Variants in MACROD2 observed in about 807,000 individuals in gnomAD.
The protein encoded by MACROD2 is ADP-ribose glycohydrolase MACROD2.
MACROD2 carries 36 observed loss-of-function variants against 70.4 expected under a neutral mutation model. The observed-to-expected ratio is 0.51, with a 90% CI of 0.39 to 0.68. MACROD2 has a LOEUF of 0.68. Ranked by LOEUF, MACROD2 falls within the 30% of genes least tolerant of loss-of-function variation. The pLI is 0.00. For synonymous variants in MACROD2, 172 were observed against 178.8 expected, an observed-to-expected ratio of 0.96 and a Z score of 0.30; for missense variants, 496 against 538.4, an observed-to-expected ratio of 0.92 and a Z score of 0.78.
intron 3 of MACROD2, among the ~76,000 whole-genome samples, chr20:14,459,041 C>G (rs982848516): frequency 1.3e-5 from 2 of 151,918 alleles, no homozygotes; most frequent in Non-Finnish European, 2.9e-5. Flanking sequence ...TAATCCCTCC[C>G]CAATACTCAC....
At chr20:15,193,704 C>T (rs1220555378) in intron 5 of MACROD2, among the ~76,000 whole-genome samples, 2 of 151,782 alleles carry the variant, frequency 1.3e-5, no homozygotes, top group African/African-American at 4.8e-5. Flanking sequence ...CCGTCTTGCA[C>T]GCTGGCTCCC....
chr20:14,319,342 G>A (rs745400550), intron 3 of MACROD2, among the ~76,000 whole-genome samples: 1 of 152,010 alleles, frequency 6.6e-6, no homozygotes, highest in African/African-American at 2.4e-5. Context: ...CACCTCTTGG[G>A]CATCTCAACT....
chr20:14,725,076 A>G (rs2071512770), intron 5 of MACROD2, among the ~76,000 whole-genome samples: 2 of 152,062 alleles, frequency 1.3e-5, no homozygotes, highest in South Asian at 4.2e-4. Flanking sequence ...TGGATTGGAT[A>G]TGGGGAGTGA....
At chr20:15,113,299 G>A (rs1601091757) in intron 5 of MACROD2, among the ~76,000 whole-genome samples, 1 of 152,064 alleles carries the variant, frequency 6.6e-6, no homozygotes, top group East Asian at 1.9e-4. Flanking sequence ...TAGCACTGCT[G>A]GTGTAACAAT....
At chr20:14,550,068 G>C (rs1361466174) in intron 4 of MACROD2, among the ~76,000 whole-genome samples, 1 of 151,748 alleles carries the variant, frequency 6.6e-6, no homozygotes, top group Non-Finnish European at 1.5e-5. Context: ...GATTACAGGC[G>C]GGTGCCACCA....
chr20:15,417,197 A>G (rs1568791282), intron 6 of MACROD2, among the ~76,000 whole-genome samples: 1 of 152,154 alleles, frequency 6.6e-6, no homozygotes, highest in Non-Finnish European at 1.5e-5. Context: ...ACTGTGCTGG[A>G]TATGAGAAGG....
chr20:15,851,276 G>T (rs1468184378), intron 8 of MACROD2, among the ~76,000 whole-genome samples: 1 of 151,748 alleles, frequency 6.6e-6, no homozygotes, highest in Admixed American at 6.6e-5. Flanking sequence ...CCCAACAGGG[G>T]CTCAGGAGTG....
At chr20:14,297,057 C>T (rs2082433395) in intron 3 of MACROD2, among the ~76,000 whole-genome samples, 1 of 151,686 alleles carries the variant, frequency 6.6e-6, no homozygotes, top group African/African-American at 2.4e-5. Flanking sequence ...TTTAATGTTA[C>T]TATTGTAACT....
chr20:14,480,487 C>T (rs1230004539), intron 3 of MACROD2, among the ~76,000 whole-genome samples: 3 of 152,092 alleles, frequency 2.0e-5, no homozygotes, highest in Admixed American at 6.5e-5. Flanking sequence ...CTCAGAGTGA[C>T]ATTAGAATTA....
chr20:14,388,362 A>T (rs942708945), intron 3 of MACROD2, among the ~76,000 whole-genome samples: 7 of 152,134 alleles, frequency 4.6e-5, no homozygotes, highest in Non-Finnish European at 1.0e-4. Context: ...CTTGACTCTG[A>T]ATAATGTGGT....
intron 8 of MACROD2, among the ~76,000 whole-genome samples, chr20:15,554,753 C>A (rs886930779): frequency 6.6e-6 from 1 of 152,050 alleles, no homozygotes; most frequent in Non-Finnish European, 1.5e-5. Flanking sequence ...ACTGAAGTAG[C>A]AAGCTGGGCC....
At chr20:14,109,469 TG>T (rs1422976090) in intron 3 of MACROD2, among the ~76,000 whole-genome samples, 1 of 151,760 alleles carries the variant, frequency 6.6e-6, no homozygotes, top group Non-Finnish European at 1.5e-5. Flanking sequence ...ATAAAAAGTT[TG>T]GTTTTTGAAA....
chr20:15,260,343 AT>A (rs71190182), intron 6 of MACROD2, among the ~76,000 whole-genome samples: 56,161 of 145,484 alleles, frequency 0.39, 10,743 homozygotes, highest in Middle Eastern at 0.46. Flanking sequence ...CCATGAGATC[AT>A]TTTTTTTTTT....
intron 4 of MACROD2, among the ~76,000 whole-genome samples, chr20:14,654,169 C>A (rs796885477): frequency 1.3e-5 from 2 of 151,822 alleles, no homozygotes; most frequent in Non-Finnish European, 2.9e-5. Flanking sequence ...AAAAAGAAAC[C>A]AAAAGTGCTA....
intron 3 of MACROD2, among the ~76,000 whole-genome samples, chr20:14,403,871 A>C (rs1035435324): frequency 6.6e-6 from 1 of 152,126 alleles, no homozygotes. Flanking sequence ...TTCATAAAAC[A>C]TGCAAGAGCC....
At chr20:15,834,885 C>A (rs1230895964) in intron 8 of MACROD2, among the ~76,000 whole-genome samples, 1 of 152,210 alleles carries the variant, frequency 6.6e-6, no homozygotes, top group East Asian at 1.9e-4. Context: ...ACTCCCCTCC[C>A]ATTTCAATCA....
chr20:15,492,170 G>C (rs138655221), intron 7 of MACROD2, among the ~76,000 whole-genome samples: 141 of 152,242 alleles, frequency 9.3e-4, no homozygotes, highest in African/African-American at 3.3e-3. Context: ...CTGAGTGGCT[G>C]GTCTAGCAAG....
intron 6 of MACROD2, among the ~76,000 whole-genome samples, chr20:15,323,505 T>C (rs2077894312): frequency 6.6e-6 from 1 of 152,156 alleles, no homozygotes; most frequent in Admixed American, 6.6e-5. Context: ...CTCAAACCAG[T>C]GGTCTAAAAT....
rs1454832908 is a variant in MACROD2 at position 14,862,646 on chromosome 20, T to TAA, written c.418+177688_418+177689insAA. Among the ~76,000 whole-genome samples the TAA allele has an allele frequency of 8.8e-3, 42 of 4,754 alleles. 2 individuals are homozygous for TAA. Among genetic ancestry groups the TAA allele is most frequent in the Admixed American group, 0.046 (11 of 238 alleles). The allele number at this position is 4,754 out of a possible 152,430, so 3.1% of individuals were successfully genotyped here. On this transcript the variant is annotated intron_variant, in intron 5 of 17. Transcript: ENST00000684519. The stretch of plus-strand genomic sequence containing the variant: ...ATATATATAAATATATATATAAATA[T>TAA]ATATATATAAATATATATATAAATA...
Sources: gnomAD v4.1 joint callset for allele counts (sites outside exome capture counted in the v4.1 genomes callset) on GRCh38, gnomAD v4.1.1 for gene constraint, MANE v1.5 for transcripts, NCBI Gene and HGNC (gene_info 2026-07-23, HGNC 2026-07-21) for gene names.